The following SLC8A1 variants were observed in gnomAD, a reference collection of about 807,000 sequenced individuals.
SLC8A1 encodes sodium/calcium exchanger 1.
In SLC8A1, 18 loss-of-function variants were observed where a neutral mutation model predicts 68.3. That is an observed-to-expected ratio of 0.26 (90% CI 0.18 to 0.39). The LOEUF is 0.39. SLC8A1 is among the 10% of genes least tolerant of loss of function. The probability of loss-of-function intolerance (pLI) is 1.00; values close to 1 mark genes in which losing one functional copy is unlikely to be tolerated. For synonymous variants in SLC8A1, 475 were observed against 415.5 expected, an observed-to-expected ratio of 1.14 and a Z score of -1.74; for missense variants, 985 against 1,156.7, an observed-to-expected ratio of 0.85 and a Z score of 2.15.
chr2:40,148,248 A>G (rs144986152), intron 6 of SLC8A1, among the ~76,000 whole-genome samples: 108 of 152,332 alleles, frequency 7.1e-4, no homozygotes, highest in African/African-American at 2.4e-3. Context: ...ATTTAAAAAA[A>G]TGCATCTTTA....
intron 2 of SLC8A1, among the ~76,000 whole-genome samples, chr2:40,296,017 G>C (rs926612629): frequency 6.6e-6 from 1 of 151,874 alleles, no homozygotes; most frequent in African/African-American, 2.4e-5. Flanking sequence ...GAGAATTTGA[G>C]AATTGTGTTT....
upstream of SLC8A1, among the ~76,000 whole-genome samples, chr2:40,455,835 G>A (rs55742439): frequency 0.36 from 54,379 of 151,988 alleles, 9,986 homozygotes; most frequent in Middle Eastern, 0.46. Context: ...ACCTCACCCA[G>A]TTGTAAACCC....
chr2:40,396,824 G>T (rs1357782000), intron 2 of SLC8A1, among the ~76,000 whole-genome samples: 1 of 146,252 alleles, frequency 6.8e-6, no homozygotes, highest in African/African-American at 2.6e-5. Context: ...TGTAGTTGCT[G>T]TATCAATGAC....
At chr2:40,143,741 G>A (rs2041985443) in intron 6 of SLC8A1, among the ~76,000 whole-genome samples, 1 of 152,202 alleles carries the variant, frequency 6.6e-6, no homozygotes, top group African/African-American at 2.4e-5. Flanking sequence ...GACTGACGGT[G>A]AAAGACAACC....
At chr2:40,303,676 G>C (rs1433510346) in intron 2 of SLC8A1, among the ~76,000 whole-genome samples, 1 of 152,156 alleles carries the variant, frequency 6.6e-6, no homozygotes, top group African/African-American at 2.4e-5. Context: ...GTACAATCCA[G>C]ATGTATAATT....
At chr2:40,310,032 T>C (rs115025199) in intron 2 of SLC8A1, among the ~76,000 whole-genome samples, 1 of 152,212 alleles carries the variant, frequency 6.6e-6, no homozygotes, top group East Asian at 1.9e-4. Context: ...TATTTCTGAT[T>C]ATTTCATATA....
chr2:40,108,420 C>G (rs2034357130), exon 8 of SLC8A1: 1 of 152,070 alleles, frequency 6.6e-6, no homozygotes, highest in African/African-American at 2.4e-5. Context: ...TAATAACTTG[C>G]AAATATCTTA....
At chr2:40,328,901 A>G (rs922068008) in intron 2 of SLC8A1, among the ~76,000 whole-genome samples, 1 of 152,076 alleles carries the variant, frequency 6.6e-6, no homozygotes, top group African/African-American at 2.4e-5. Context: ...GTTGCCTTTT[A>G]AGAGCACAGA....
intron 2 of SLC8A1, among the ~76,000 whole-genome samples, chr2:40,247,984 C>T (rs2062123960): frequency 6.6e-6 from 1 of 152,130 alleles, no homozygotes; most frequent in Non-Finnish European, 1.5e-5. Context: ...AGCGTGTGTT[C>T]CGTGAACTCA....
intron 2 of SLC8A1, among the ~76,000 whole-genome samples, chr2:40,410,615 A>G (rs779075958): frequency 6.6e-6 from 1 of 152,132 alleles, no homozygotes; most frequent in Non-Finnish European, 1.5e-5. Flanking sequence ...CATGTATAAC[A>G]TGATATTTTG....
chr2:40,388,602 T>C (rs567581366), intron 2 of SLC8A1, among the ~76,000 whole-genome samples: 1 of 152,164 alleles, frequency 6.6e-6, no homozygotes, highest in Non-Finnish European at 1.5e-5. Context: ...GTCCTTTGGG[T>C]AAACGTTCTT....
Position 40,420,152 on chromosome 2 carries a change from C to T in SLC8A1, c.1808+8321G>A, listed in dbSNP as rs137933990. Reference sequence around the variant, plus strand: ...ATATATCTAAAAATTCTATGTGCTGCGGAGGTTGGAATTCTAAGTTTTTTA... The same window carrying T: ...ATATATCTAAAAATTCTATGTGCTGTGGAGGTTGGAATTCTAAGTTTTTTA... On this transcript the variant is annotated intron_variant, in intron 2 of 7. Coordinates refer to ENST00000406785, the Ensembl canonical transcript of SLC8A1. Among the ~76,000 whole-genome samples the T allele has an allele frequency of 3.2e-3, 487 of 152,112 alleles. 1 individual carries two copies. The highest frequency in any genetic ancestry group is 0.01 in the Middle Eastern group (3 of 294).
chr2:40,164,751 T>G, intron 5 of SLC8A1, 103 bp downstream of exon 8: 2 of 1,426,342 alleles, frequency 1.4e-6, no homozygotes, highest in East Asian at 2.3e-5. Flanking sequence ...TGAAATTACA[T>G]CTACTACTCT....
intron 2 of SLC8A1, among the ~76,000 whole-genome samples, chr2:40,301,580 G>A (rs913676790): frequency 1.1e-4 from 16 of 152,020 alleles, no homozygotes; most frequent in Admixed American, 9.8e-4. Context: ...AATGGATTTT[G>A]GGGACTTGGA....
At chr2:40,113,038 C>T (rs2034758638) in exon 8 of SLC8A1, 1 of 152,286 alleles carries the variant, frequency 6.6e-6, no homozygotes, top group South Asian at 2.1e-4. Context: ...CACTTTTACT[C>T]ATGAAAATAG....
At chr2:40,116,411 C>T (rs923804533) in intron 7 of SLC8A1, among the ~76,000 whole-genome samples, 1 of 152,136 alleles carries the variant, frequency 6.6e-6, no homozygotes, top group African/African-American at 2.4e-5. Context: ...GTGCTGCACC[C>T]ACTAACTCGT....
At position 40,443,080 on chromosome 2, in the gene SLC8A1, A is replaced by G. The variant is rs535516261; in HGVS notation, c.-25+8824T>C. 2.0e-5 allele frequency among the ~76,000 whole-genome samples: 3 copies of G among 152,216 alleles called. No individual in the cohort carries two copies. The East Asian group carries it at 5.8e-4, about 29-fold the overall frequency. ...GAGAACACATGGACACAGGGAGGGG[A>G]ACAACACACACTGGGGCTTTCTGAG... On this transcript the variant is annotated intron_variant, in intron 1 of 7. Transcript: ENST00000406785.
chr2:40,445,217 T>A (rs1701224754), intron 1 of SLC8A1, among the ~76,000 whole-genome samples: 1 of 152,204 alleles, frequency 6.6e-6, no homozygotes, highest in Admixed American at 6.5e-5. Flanking sequence ...CAATGTCAAA[T>A]ATGCCATCTT....
intron 2 of SLC8A1, among the ~76,000 whole-genome samples, chr2:40,284,495 A>G (rs1455889859): frequency 2.0e-5 from 3 of 147,260 alleles, no homozygotes; most frequent in Admixed American, 6.8e-5. Flanking sequence ...ATACATACAT[A>G]TCTAGCCAAC....
Sources: allele counts gnomAD v4.1 joint callset (sites outside exome capture counted in the v4.1 genomes callset), GRCh38; gene constraint gnomAD v4.1.1; transcripts MANE v1.5; gene names NCBI Gene and HGNC (gene_info 2026-07-23, HGNC 2026-07-21).